TPRA1: variants seen among roughly 807,000 people sequenced by gnomAD.
TPRA1 encodes the protein transmembrane protein adipocyte-associated 1.
A neutral mutation model predicts 40.1 loss-of-function variants in TPRA1; 28 were observed. The ratio of observed to expected loss-of-function variants is 0.70; its 90% confidence interval spans 0.52 to 0.96. TPRA1 has a LOEUF of 0.96. Among genes scored for constraint, TPRA1 ranks in the 40% least tolerant of loss-of-function variants. The pLI is 0.00. For synonymous variants in TPRA1, 219 were observed against 209.7 expected (o/e 1.04, Z -0.38); for missense variants, 441 against 482.6 (o/e 0.91, Z 0.81).
intron 10 of TPRA1, 144 bp downstream of exon 10, chr3:127,575,041 T>C: frequency 1.2e-6 from 1 of 830,990 alleles, no homozygotes; most frequent in Non-Finnish European, 1.9e-6. Context: ...TCTGTATGTG[T>C]GTGCCCAAGT....
At chr3:127,587,649 C>T (rs2074038788) in intron 1 of TPRA1, among the ~76,000 whole-genome samples, 1 of 150,904 alleles carries the variant, frequency 6.6e-6, no homozygotes, top group African/African-American at 2.4e-5. Context: ...AAAAGTGACA[C>T]ATGTACAAAG....
intron 1 of TPRA1, among the ~76,000 whole-genome samples, chr3:127,581,847 AG>A (rs1485023686): frequency 6.6e-6 from 1 of 150,834 alleles, no homozygotes; most frequent in Admixed American, 6.6e-5. Flanking sequence ...GCATGAACCC[AG>A]GTGGCGGAGC....
Position 127,575,192 on chromosome 3 carries a change from A to T in TPRA1, c.847T>A (p.Phe283Ile), listed in dbSNP as rs778084172. Residue 283 changes from phenylalanine (F) to isoleucine (I), a missense_variant, in exon 10 of 11, where the codon TTC (phenylalanine) becomes ATC (isoleucine). Physicochemically the swap from Phe to Ile is conservative, Grantham distance 21. Coordinates refer to ENST00000355552, the MANE Select transcript of TPRA1 (RefSeq NM_001136053.4). ...PLIYVAFLRG[F>I]FGSEPKILFS... ...CGGCGGCCACAGACTCACCCGAAGA[A>T]GCCCCGGAGGAAAGCCACGTAGATG... 15 of 1,613,746 alleles carry T rather than the reference A, an allele frequency of 9.3e-6. No homozygotes were observed. In the Admixed American group the frequency reaches 2.3e-4, roughly 25 times the overall value.
Position 127,575,752 on chromosome 3 carries a change from G to T in TPRA1, c.667C>A (p.Pro223Thr). 1 of 1,613,544 alleles carries T rather than the reference G, an allele frequency of 6.2e-7. No individual in the cohort carries two copies. Among genetic ancestry groups the T allele is most frequent in the Middle Eastern group, 1.7e-4 (1 of 6,054 alleles). ...KTPLKERISL[P>T]SRRSFYVYAG... Reference sequence around the variant, plus strand: ...GAGCCGCCGGCCAGCTGCTCACAAGGCAGGGAGATGCGCTCCTTCAGCGGG... The same window carrying T: ...GAGCCGCCGGCCAGCTGCTCACAAGTCAGGGAGATGCGCTCCTTCAGCGGG... The change falls in exon 8 of 11, where the codon CCT becomes ACT. Residue 223 changes from proline (P) to threonine (T), a missense_variant. Transcript: ENST00000355552.
At chr3:127,586,858 G>A (rs2074017613) in intron 1 of TPRA1, among the ~76,000 whole-genome samples, 1 of 152,202 alleles carries the variant, frequency 6.6e-6, no homozygotes, top group African/African-American at 2.4e-5. Flanking sequence ...ACAGGGGCAG[G>A]GAGTAGGAGA....
chr3:127,576,695 G>C lies in TPRA1; in HGVS notation c.420C>G (p.Gly140=). The change falls in exon 6 of 11, where the codon GGC becomes GGG. Residue 140 remains glycine, a splice_region_variant and synonymous_variant. Coordinates refer to ENST00000355552, the MANE Select transcript of TPRA1 (RefSeq NM_001136053.4). This position sits in a 1 kb window ranked among gnomAD's most constrained non-coding sequence, Gnocchi z 4.6. ...TGATGCTGGACTTACTCTCCAGGTG[G>C]CCTGGAAGAAACATGCTGGTCAGCA... ...LSVIILGLAF[G]HLESKSSIKR... is the part of the protein sequence containing the mutation. The C allele has an allele frequency of 6.2e-7, 1 of 1,609,586 alleles. No homozygotes were observed. The highest frequency in any genetic ancestry group is 1.1e-5 in the South Asian group (1 of 90,316).
chr3:127,577,229 G>A (rs2073672951), intron 3 of TPRA1, among the ~76,000 whole-genome samples, 153 bp from the exon 4 acceptor site: 1 of 151,140 alleles, frequency 6.6e-6, no homozygotes, highest in Admixed American at 6.5e-5. Context: ...GGGAGGTGGG[G>A]ATCACTCCAG....
chr3:127,592,658 T>A (rs2074198950), upstream of TPRA1, among the ~76,000 whole-genome samples: 2 of 152,132 alleles, frequency 1.3e-5, no homozygotes, highest in South Asian at 4.1e-4. Context: ...GTGCTGGGAT[T>A]ACAGGCGTGA....
Position 127,577,219 on chromosome 3 carries a change from G to C in TPRA1, c.259-143C>G, listed in dbSNP as rs1157215199. The stretch of plus-strand genomic sequence containing the variant: ...AGGCGCAAAGTCAGGGTGGGACACA[G>C]GGAGGTGGGGATCACTCCAGGAAGC... On this transcript the variant is annotated intron_variant, in intron 3 of 10. Coordinates refer to ENST00000355552, the MANE Select transcript of TPRA1 (RefSeq NM_001136053.4). 5.2e-6 allele frequency: 4 copies of C among 768,202 alleles called. No homozygotes were observed. In the Admixed American group the frequency reaches 9.0e-5, roughly 17 times the overall value. The allele number at this position is 768,202 out of a possible 1,614,324, so 47.6% of individuals were successfully genotyped here.
Position 127,572,450 on chromosome 3 carries a change from G to T in TPRA1, c.*1071C>A, listed in dbSNP as rs2073402820. 6.6e-6 allele frequency among the ~76,000 whole-genome samples: 1 copy of T among 152,216 alleles called. No individual in the cohort carries two copies. Among genetic ancestry groups the T allele is most frequent in the African/African-American group, 2.4e-5 (1 of 41,462 alleles). On this transcript the variant is annotated 3_prime_UTR_variant, in exon 11 of 11. Coordinates refer to ENST00000355552, the MANE Select transcript of TPRA1 (RefSeq NM_001136053.4). ...ACTCAGGTACAAGGGCAGTGGCAGG[G>T]ACAAGTGGGCCCCTCTCCCCTACTC...
Position 127,575,515 on chromosome 3 carries a change from G to C in TPRA1, c.671-10C>G. On this transcript the variant is annotated splice_polypyrimidine_tract_variant and intron_variant, in intron 8 of 10. Coordinates refer to ENST00000355552, the MANE Select transcript of TPRA1 (RefSeq NM_001136053.4). ...TAGAAGCTCCTCCGAGCTGGGGGCC[G>C]GACAGGGTGGGTCGTGAGGTCCCAC... The C allele has an allele frequency of 6.5e-7, 1 of 1,544,352 alleles. No homozygotes were observed. The highest frequency in any genetic ancestry group is 8.7e-7 in the Non-Finnish European group (1 of 1,147,356).
chr3:127,593,688 T>C (rs1404617906), upstream of TPRA1, among the ~76,000 whole-genome samples: 5 of 152,150 alleles, frequency 3.3e-5, no homozygotes, highest in Admixed American at 3.3e-4. Context: ...CATGTACCTA[T>C]TTAATTCATC....
chr3:127,583,575 A>G (rs1236467810), intron 1 of TPRA1, among the ~76,000 whole-genome samples: 1 of 152,220 alleles, frequency 6.6e-6, no homozygotes, highest in Admixed American at 6.5e-5. Context: ...GGAATATTAA[A>G]GAGAACAAAT....
chr3:127,590,046 G>A, intron 1 of TPRA1, among the ~76,000 whole-genome samples: 1 of 152,190 alleles, frequency 6.6e-6, no homozygotes, highest in East Asian at 1.9e-4. Context: ...GCCGCTGCGG[G>A]CAGCCACCGT....
At chr3:127,574,263 G>A (rs545553968) in intron 10 of TPRA1, among the ~76,000 whole-genome samples, 1 of 152,346 alleles carries the variant, frequency 6.6e-6, no homozygotes, top group East Asian at 1.9e-4. Flanking sequence ...AGGCTCAGGG[G>A]AGAAATTGTG....
rs1274879506 is a variant in TPRA1 at position 127,576,836 on chromosome 3, G to A, written c.403C>T (p.Leu135=). 12 of 1,613,846 alleles carry A rather than the reference G, an allele frequency of 7.4e-6. No homozygotes were observed. Among genetic ancestry groups the A allele is most frequent in the Admixed American group, 1.7e-5 (1 of 60,010 alleles). ...GTACACACACCAAAGGCCAGGCCCA[G>A]GATGATCACACTCAGCTCGATGGCC... ...LLAIELSVII[L]GLAFGHLESK... Residue 135 remains leucine, a synonymous_variant, in exon 5 of 11, where the codon CTG becomes TTG. Transcript: ENST00000355552. The surrounding 1 kb of genome is among the most constrained non-coding windows in gnomAD (Gnocchi z 4.6).
intron 1 of TPRA1, 101 bp from the exon 2 acceptor site, chr3:127,580,264 G>A (rs377194726): frequency 1.0e-5 from 14 of 1,370,628 alleles, no homozygotes; most frequent in East Asian, 7.5e-5. Flanking sequence ...GGGCTGCACA[G>A]AGCACCCCTG....
chr3:127,577,318 C>A (rs1353067176), intron 3 of TPRA1, among the ~76,000 whole-genome samples: 1 of 152,212 alleles, frequency 6.6e-6, no homozygotes, highest in Non-Finnish European at 1.5e-5. Flanking sequence ...GCCCCAGCTT[C>A]CTGGCTAGCA....
chr3:127,590,320 AG>A, intron 1 of TPRA1, 89 bp downstream of exon 1: 1 of 152,302 alleles, frequency 6.6e-6, no homozygotes, highest in East Asian at 1.9e-4. Context: ...CGGAGCAAGG[AG>A]GGGAACGGCG....
Sources: allele counts gnomAD v4.1 joint callset (sites outside exome capture counted in the v4.1 genomes callset), GRCh38; gene constraint gnomAD v4.1.1; non-coding constraint Gnocchi (gnomAD v3.1); transcripts MANE v1.5; gene names NCBI Gene and HGNC (gene_info 2026-07-23, HGNC 2026-07-21).